LAMA4: variants seen among roughly 807,000 people sequenced by gnomAD.
LAMA4 encodes the protein laminin subunit alpha-4.
In LAMA4, 127 loss-of-function variants were observed where a neutral mutation model predicts 207.1. The ratio of observed to expected loss-of-function variants is 0.61; its 90% confidence interval spans 0.53 to 0.71. The LOEUF (loss-of-function observed/expected upper bound fraction) is 0.71, where lower values mean the gene tolerates loss of function less well. Among genes scored for constraint, LAMA4 ranks in the 30% least tolerant of loss-of-function variants. LAMA4 has a pLI of 0.00. For synonymous variants in LAMA4, 761 were observed against 816.0 expected, an observed-to-expected ratio of 0.93 and a Z score of 1.15; for missense variants, 2,093 against 2,246.5, an observed-to-expected ratio of 0.93 and a Z score of 1.38.
Position 112,134,471 on chromosome 6 carries a change from A to G in LAMA4, c.3553T>C (p.Ser1185Pro). Residue 1185 changes from serine to proline, a missense_variant, in exon 26 of 39, where the codon TCC becomes CCC. By Grantham distance (74) the Ser-to-Pro change is moderately conservative (BLOSUM62 -1). Transcript: ENST00000230538. ...IGGAPPEILQ[S>P]RALRAHLPLD... ...CTACTTAACAAAAAGCCTTACCTGG[A>G]TTGTAAGATTTCTGGAGGAGCTCCT... The G allele has an allele frequency of 6.2e-7, 1 of 1,613,426 alleles. No individual in the cohort carries two copies. The highest frequency in any genetic ancestry group is 8.5e-7 in the Non-Finnish European group (1 of 1,179,560).
Position 112,117,082 on chromosome 6 carries a change from A to G in LAMA4, c.4981+657T>C, listed in dbSNP as rs1164747657. On this transcript the variant is annotated intron_variant, in intron 35 of 38. Transcript: ENST00000230538. The surrounding 1 kb of genome is among the most constrained non-coding windows in gnomAD (Gnocchi z 4.5). ...AACATGCAGCTTTATACCCTTTCCT[A>G]TCCTAATTCCGGGCACTTATTCTGG... 6.6e-6 allele frequency among the ~76,000 whole-genome samples: 1 copy of G among 152,204 alleles called. No individual in the cohort carries two copies. The highest frequency in any genetic ancestry group is 2.4e-5 in the African/African-American group (1 of 41,456).
At chr6:112,215,092 G>T (rs1784554174) in intron 3 of LAMA4, among the ~76,000 whole-genome samples, 1 of 152,108 alleles carries the variant, frequency 6.6e-6, no homozygotes, top group African/African-American at 2.4e-5. Flanking sequence ...GTATCCATGG[G>T]ATTTTTCCCC....
intron 9 of LAMA4, among the ~76,000 whole-genome samples, chr6:112,181,706 G>A (rs1203213269): frequency 6.6e-6 from 1 of 152,046 alleles, no homozygotes; most frequent in Non-Finnish European, 1.5e-5. Flanking sequence ...ATTAAATGCT[G>A]TATCATAATT....
intron 2 of LAMA4, among the ~76,000 whole-genome samples, chr6:112,228,685 G>A (rs1785368942): frequency 6.6e-6 from 1 of 152,226 alleles, no homozygotes; most frequent in Admixed American, 6.5e-5. Context: ...GGAGCTTGCC[G>A]GCGGGAGCTG....
intron 5 of LAMA4, among the ~76,000 whole-genome samples, chr6:112,194,739 G>A (rs961299958): frequency 1.3e-5 from 2 of 152,108 alleles, no homozygotes; most frequent in Non-Finnish European, 2.9e-5. Context: ...GATTATAAAA[G>A]TGCCCAAGCC....
At chr6:112,155,902 G>A (rs938670091) in intron 14 of LAMA4, among the ~76,000 whole-genome samples, 196 bp from the exon 15 acceptor site, 5 of 152,134 alleles carry the variant, frequency 3.3e-5, no homozygotes, top group African/African-American at 1.2e-4. Context: ...CAGCATTTTG[G>A]TTCTCTGACA....
At chr6:112,196,068 T>C (rs1467388291) in intron 5 of LAMA4, among the ~76,000 whole-genome samples, 1 of 152,084 alleles carries the variant, frequency 6.6e-6, no homozygotes, top group Non-Finnish European at 1.5e-5. Context: ...ATGATACATA[T>C]TTATGGGATA....
chr6:112,232,712 A>AAAATGACT (rs1785643622), intron 2 of LAMA4, among the ~76,000 whole-genome samples: 2 of 152,334 alleles, frequency 1.3e-5, no homozygotes, highest in South Asian at 4.1e-4. Flanking sequence ...AAGTGAAAAG[A>AAAATGACT]AAATGACTGC....
chr6:112,221,182 A>C (rs1784904269), intron 2 of LAMA4, among the ~76,000 whole-genome samples: 1 of 152,166 alleles, frequency 6.6e-6, no homozygotes, highest in African/African-American at 2.4e-5. Flanking sequence ...CCCAAAGAGG[A>C]TCAGACCCAA....
intron 18 of LAMA4, among the ~76,000 whole-genome samples, chr6:112,147,158 A>T (rs1780077193): frequency 6.6e-6 from 1 of 152,220 alleles, no homozygotes; most frequent in African/African-American, 2.4e-5. Flanking sequence ...CTGGTAAAAA[A>T]TGGGAAAAAA....
chr6:112,201,696 T>G lies in LAMA4; in HGVS notation c.423-8A>C. On this transcript the variant is annotated splice_region_variant and splice_polypyrimidine_tract_variant and intron_variant, in intron 4 of 38. Coordinates refer to ENST00000230538, the MANE Select transcript of LAMA4 (RefSeq NM_001105206.3). The stretch of plus-strand genomic sequence containing the variant: ...TAGCAGGATTCTGCAAAACTAAAAT[T>G]GGAAGCAAATATTGGAAGTCAATTC... The G allele has an allele frequency of 3.7e-6, 6 of 1,611,968 alleles. No individual in the cohort carries two copies. Among genetic ancestry groups the G allele is most frequent in the Non-Finnish European group, 4.2e-6 (5 of 1,178,142 alleles).
intron 31 of LAMA4, among the ~76,000 whole-genome samples, chr6:112,127,661 T>G (rs1462131150): frequency 6.6e-6 from 1 of 152,084 alleles, no homozygotes; most frequent in Non-Finnish European, 1.5e-5. Context: ...CATGATATGA[T>G]TTATGTTTAT....
Position 112,198,146 on chromosome 6 carries a change from C to T in LAMA4, c.503+3462G>A, listed in dbSNP as rs140574170. On this transcript the variant is annotated intron_variant, in intron 5 of 38. Coordinates refer to ENST00000230538, the MANE Select transcript of LAMA4 (RefSeq NM_001105206.3). ...AGAGTCCTGGTGCATGAGAATCCGA[C>T]GGGAAGTCAAAATACAGGTCCTGGG... 4.2e-4 allele frequency among the ~76,000 whole-genome samples: 64 copies of T among 152,114 alleles called. 1 individual carries two copies. Among genetic ancestry groups the T allele is most frequent in the East Asian group, 3.3e-3 (17 of 5,146 alleles).
intron 26 of LAMA4, 114 bp downstream of exon 26, chr6:112,134,353 C>A (rs1479478708): frequency 3.0e-6 from 3 of 1,006,406 alleles, no homozygotes; most frequent in Non-Finnish European, 4.7e-6. Flanking sequence ...CTGTGCCTGT[C>A]CCTGTGTGTA....
At chr6:112,150,943 A>G (rs1014965557) in intron 16 of LAMA4, among the ~76,000 whole-genome samples, 49 of 152,178 alleles carry the variant, frequency 3.2e-4, no homozygotes, top group African/African-American at 1.1e-3. Context: ...AAAAGAAAAA[A>G]ATCTCTCTCT....
intron 2 of LAMA4, among the ~76,000 whole-genome samples, chr6:112,252,647 C>T (rs1554190099): frequency 6.6e-6 from 1 of 152,168 alleles, no homozygotes; most frequent in Non-Finnish European, 1.5e-5. Context: ...GCCAATTTTA[C>T]TCTTAAGTAA....
In LAMA4 at chr6:112,148,344, C is replaced by T; in HGVS notation, c.2174-8G>A. On this transcript the variant is annotated splice_polypyrimidine_tract_variant and splice_region_variant and intron_variant, in intron 17 of 38. Transcript: ENST00000230538. ...GGCGCTGCTGGGCATCCCCTTTACA[C>T]AGAGCACAGGGTCATTCACTTTGCA... The T allele has an allele frequency of 1.2e-6, 2 of 1,614,098 alleles. No individual in the cohort carries two copies. Among genetic ancestry groups the T allele is most frequent in the East Asian group, 2.2e-5 (1 of 44,864 alleles).
chr6:112,205,943 C>T (rs1306057442), intron 4 of LAMA4, among the ~76,000 whole-genome samples: 1 of 152,178 alleles, frequency 6.6e-6, no homozygotes, highest in Non-Finnish European at 1.5e-5. Context: ...CGGTTGGTGA[C>T]ACGTGGAGGT....
intron 10 of LAMA4, among the ~76,000 whole-genome samples, chr6:112,177,359 T>G (rs1403235423): frequency 6.6e-6 from 1 of 152,182 alleles, no homozygotes; most frequent in Non-Finnish European, 1.5e-5. Flanking sequence ...GCACTTGGTG[T>G]TGTCATCCAG....
Sources: allele counts gnomAD v4.1 joint callset (sites outside exome capture counted in the v4.1 genomes callset), GRCh38; gene constraint gnomAD v4.1.1; non-coding constraint Gnocchi (gnomAD v3.1); transcripts MANE v1.5; gene names NCBI Gene and HGNC (gene_info 2026-07-23, HGNC 2026-07-21).